The following NEMP2 variants were observed in gnomAD, a reference collection of about 807,000 sequenced individuals.
NEMP2 encodes the protein UPF0571 transmembrane protein.
Under a neutral mutation model 54.2 loss-of-function variants are expected in NEMP2, and 53 were observed. The observed-to-expected ratio is 0.98, with a 90% CI of 0.78 to 1.23. The LOEUF is 1.23. Among genes scored for constraint, NEMP2 ranks in the 50% most tolerant of loss-of-function variants. NEMP2 has a pLI of 0.00. For synonymous variants in NEMP2, 197 were observed against 190.3 expected, an observed-to-expected ratio of 1.04 and a Z score of -0.29; for missense variants, 455 against 511.3, an observed-to-expected ratio of 0.89 and a Z score of 1.06.
At chr2:190,583,446 T>G in the NEMP2 span, among the ~76,000 whole-genome samples, 1 of 152,230 alleles carries the variant, frequency 6.6e-6, no homozygotes, top group Admixed American at 6.5e-5. Flanking sequence ...TGTTTTGTAA[T>G]CTACAGGAAT....
rs575453067 is a variant in NEMP2 at position 190,519,503 on chromosome 2, G to A, written c.214-320C>T. 1.1e-4 allele frequency among the ~76,000 whole-genome samples: 17 copies of A among 152,326 alleles called. No homozygotes were observed. The South Asian group carries it at 1.9e-3, about 17-fold the overall frequency. On this transcript the variant is annotated intron_variant, in intron 2 of 8. Coordinates refer to ENST00000409150, the MANE Select transcript of NEMP2 (RefSeq NM_001142645.2). The surrounding 1 kb of genome is among the most constrained non-coding windows in gnomAD (Gnocchi z 5.4). ...CCCAAAGTGCTGGGATTACCGGCAT[G>A]AGCCACTGCATCCAGCCAAAACTTC...
the NEMP2 span, among the ~76,000 whole-genome samples, chr2:190,483,048 C>T: frequency 2.0e-5 from 3 of 150,772 alleles, no homozygotes; most frequent in African/African-American, 7.3e-5. Context: ...CCTGCCACCG[C>T]GCCCGGCTAA....
chr2:190,529,714 G>A lies in NEMP2; in HGVS notation c.98-4336C>T, dbSNP rs957739882. Among the ~76,000 whole-genome samples the A allele has an allele frequency of 7.2e-5, 11 of 152,208 alleles. No homozygotes were observed. The highest frequency in any genetic ancestry group is 2.2e-4 in the African/African-American group (9 of 41,452). On this transcript the variant is annotated intron_variant, in intron 1 of 8. Coordinates refer to ENST00000409150, the MANE Select transcript of NEMP2 (RefSeq NM_001142645.2). The surrounding 1 kb of genome is among the most constrained non-coding windows in gnomAD (Gnocchi z 4.7). ...GAGGACTAGTGGGTTATTTAGGCAT[G>A]TGTGGCCTACCAATGGAAGTCCAGC...
At chr2:190,639,636 G>GT in the NEMP2 span, among the ~76,000 whole-genome samples, 31,265 of 143,694 alleles carry the variant, frequency 0.22, 3,793 homozygotes, top group East Asian at 0.37. Flanking sequence ...TTATTGTTGA[G>GT]TTTTTTTTTT....
the NEMP2 span, among the ~76,000 whole-genome samples, chr2:190,456,702 T>C: frequency 1.3e-5 from 2 of 152,210 alleles, no homozygotes; most frequent in African/African-American, 4.8e-5. This position sits in a 1 kb window ranked among gnomAD's most constrained non-coding sequence, Gnocchi z 5.4. Flanking sequence ...ATTTAAAGTC[T>C]GCCTGCTTGA....
upstream of NEMP2, among the ~76,000 whole-genome samples, chr2:190,538,729 C>T (rs1268121219): frequency 1.3e-5 from 2 of 151,216 alleles, no homozygotes; most frequent in South Asian, 2.1e-4. The surrounding 1 kb of genome is among the most constrained non-coding windows in gnomAD (Gnocchi z 4.1). Flanking sequence ...AACATTTTTT[C>T]GTATACCTGT....
At chr2:190,543,742 A>G in the NEMP2 span, among the ~76,000 whole-genome samples, 1 of 152,226 alleles carries the variant, frequency 6.6e-6, no homozygotes, top group Non-Finnish European at 1.5e-5. The surrounding 1 kb of genome is among the most constrained non-coding windows in gnomAD (Gnocchi z 4.7). Flanking sequence ...GCTTGCTTAT[A>G]ACCCACCATT....
At chr2:190,462,667 A>G in the NEMP2 span, among the ~76,000 whole-genome samples, 1 of 152,178 alleles carries the variant, frequency 6.6e-6, no homozygotes, top group Non-Finnish European at 1.5e-5. The surrounding 1 kb of genome is among the most constrained non-coding windows in gnomAD (Gnocchi z 5.7). Context: ...AGGAGGACTA[A>G]TTATACCTGG....
At chr2:190,476,245 G>T in the NEMP2 span, among the ~76,000 whole-genome samples, 9 of 152,142 alleles carry the variant, frequency 5.9e-5, no homozygotes, top group African/African-American at 1.7e-4. Flanking sequence ...CACAGCAAAA[G>T]AAACTACCAT....
At chr2:190,591,692 T>C in the NEMP2 span, among the ~76,000 whole-genome samples, 1 of 152,192 alleles carries the variant, frequency 6.6e-6, no homozygotes, top group Non-Finnish European at 1.5e-5. This position sits in a 1 kb window ranked among gnomAD's most constrained non-coding sequence, Gnocchi z 5.4. Context: ...CTACTGCTCA[T>C]GGAAACCTTG....
At position 190,516,234 on chromosome 2, in the gene NEMP2, C is replaced by T. The variant is rs1399136751; in HGVS notation, c.727+36G>A. On this transcript the variant is annotated intron_variant, in intron 6 of 8. Transcript: ENST00000409150. ...CCTCTAGTTGTACATCTCAGTTTTA[C>T]CAATCACAGAGCATATTGTTTTTCT... The T allele has an allele frequency of 2.8e-6, 4 of 1,427,968 alleles. No individual in the cohort carries two copies. In the East Asian group the frequency reaches 1.0e-4, roughly 36 times the overall value. The allele number at this position is 1,427,968 out of a possible 1,614,324, so 88.5% of individuals were successfully genotyped here.
chr2:190,517,472 T>C lies in NEMP2; in HGVS notation c.612+48A>G, dbSNP rs755175566. The C allele has an allele frequency of 4.0e-5, 52 of 1,313,284 alleles. No individual in the cohort carries two copies. In the Middle Eastern group the frequency reaches 7.2e-4, roughly 18 times the overall value. 81.4% of individuals were successfully genotyped at this position (1,313,284 alleles called of 1,614,324 possible). On this transcript the variant is annotated intron_variant, in intron 5 of 8. Coordinates refer to ENST00000409150, the MANE Select transcript of NEMP2 (RefSeq NM_001142645.2). ...AATTTTGATTAATTTTTCATGTCTG[T>C]AAGATCATGATTTCCATTTTTTACT...
the NEMP2 span, among the ~76,000 whole-genome samples, chr2:190,561,907 T>C: frequency 1.3e-5 from 2 of 152,210 alleles, no homozygotes; most frequent in Non-Finnish European, 2.9e-5. The surrounding 1 kb of genome is among the most constrained non-coding windows in gnomAD (Gnocchi z 5.4). Context: ...CTACCAACTT[T>C]TAAAATTTTT....
At chr2:190,566,283 T>C in the NEMP2 span, among the ~76,000 whole-genome samples, 7 of 152,190 alleles carry the variant, frequency 4.6e-5, no homozygotes, top group Non-Finnish European at 7.3e-5. Flanking sequence ...TTTATAAATA[T>C]ATGTGAGTGT....
chr2:190,599,528 G>A, the NEMP2 span, among the ~76,000 whole-genome samples: 1 of 152,166 alleles, frequency 6.6e-6, no homozygotes, highest in African/African-American at 2.4e-5. Flanking sequence ...TTAAGTATCA[G>A]TCAGTAGGAA....
chr2:190,598,092 C>A, the NEMP2 span, among the ~76,000 whole-genome samples: 1 of 152,144 alleles, frequency 6.6e-6, no homozygotes, highest in Non-Finnish European at 1.5e-5. Context: ...ATCCCTGACT[C>A]CACCAACTAG....
At chr2:190,576,685 T>C in the NEMP2 span, among the ~76,000 whole-genome samples, 1 of 152,098 alleles carries the variant, frequency 6.6e-6, no homozygotes, top group Non-Finnish European at 1.5e-5. Flanking sequence ...TTGTTTCGTA[T>C]GTGTTTTGGA....
chr2:190,598,992 T>C, the NEMP2 span, among the ~76,000 whole-genome samples: 2 of 152,214 alleles, frequency 1.3e-5, no homozygotes, highest in African/African-American at 4.8e-5. Flanking sequence ...TCTAGGCCCC[T>C]TTTTCTCAAT....
At chr2:190,548,369 G>A in the NEMP2 span, among the ~76,000 whole-genome samples, 1 of 152,132 alleles carries the variant, frequency 6.6e-6, no homozygotes. Flanking sequence ...GAGTTTCAAA[G>A]GGCCAGACCT....
Sources: allele counts gnomAD v4.1 joint callset (sites outside exome capture counted in the v4.1 genomes callset), GRCh38; gene constraint gnomAD v4.1.1; non-coding constraint Gnocchi (gnomAD v3.1); transcripts MANE v1.5; gene names NCBI Gene and HGNC (gene_info 2026-07-23, HGNC 2026-07-21).